B4GALT5: variants seen among roughly 807,000 people sequenced by gnomAD.
B4GALT5 encodes beta-1,4-galactosyltransferase 5.
B4GALT5 carries 11 observed loss-of-function variants against 45.0 expected under a neutral mutation model. The ratio of observed to expected loss-of-function variants is 0.24; its 90% confidence interval spans 0.15 to 0.40. B4GALT5 has a LOEUF of 0.40. B4GALT5 is among the 10% of genes least tolerant of loss of function. B4GALT5 has a pLI of 1.00. For synonymous variants in B4GALT5, 185 were observed against 182.9 expected (o/e 1.01, Z -0.09); for missense variants, 337 against 500.2 (o/e 0.67, Z 3.11).
At chr20:49,638,454 C>T (rs944880040) in intron 7 of B4GALT5, among the ~76,000 whole-genome samples, 7 of 152,206 alleles carry the variant, frequency 4.6e-5, no homozygotes, top group African/African-American at 7.2e-5. Flanking sequence ...TGTTTACTTA[C>T]TCCATAAAAA....
At chr20:49,646,373 C>A (rs2085599224) in intron 3 of B4GALT5, among the ~76,000 whole-genome samples, 2 of 152,152 alleles carry the variant, frequency 1.3e-5, no homozygotes, top group Admixed American at 1.3e-4. Flanking sequence ...TCCATTCCTG[C>A]AGGCTCCGTT....
chr20:49,640,814 T>C, intron 5 of B4GALT5, 149 bp from the exon 6 acceptor site: 1 of 814,358 alleles, frequency 1.2e-6, no homozygotes, highest in Non-Finnish European at 1.8e-6. Flanking sequence ...CAACTCACAG[T>C]GTGGCTCAGA....
At chr20:49,637,316 A>G in intron 8 of B4GALT5, 25 bp downstream of exon 8, 1 of 1,581,278 alleles carries the variant, frequency 6.3e-7, no homozygotes, top group Middle Eastern at 1.7e-4. Flanking sequence ...GATACTTCTA[A>G]GAGACAGAGA....
At chr20:49,695,975 C>T (rs1306026776) in intron 1 of B4GALT5, among the ~76,000 whole-genome samples, 2 of 152,192 alleles carry the variant, frequency 1.3e-5, no homozygotes, top group Non-Finnish European at 2.9e-5. Flanking sequence ...AAGCCTGGCT[C>T]AGCCTAGAGA....
intron 1 of B4GALT5, among the ~76,000 whole-genome samples, chr20:49,701,332 C>T (rs977852601): frequency 6.6e-6 from 1 of 152,088 alleles, no homozygotes; most frequent in African/African-American, 2.4e-5. Context: ...TGCAGTTCAG[C>T]TGATATCAGA....
intron 1 of B4GALT5, among the ~76,000 whole-genome samples, chr20:49,666,034 C>T (rs1030879875): frequency 6.6e-6 from 1 of 152,104 alleles, no homozygotes; most frequent in Non-Finnish European, 1.5e-5. Flanking sequence ...ATTGCAGAAA[C>T]GGTCCAGGAT....
chr20:49,663,690 A>AAAAAAATATATAT (rs1555812124), intron 1 of B4GALT5, among the ~76,000 whole-genome samples: 1 of 96,960 alleles, frequency 1.0e-5, no homozygotes, highest in African/African-American at 4.5e-5. Flanking sequence ...AAAAAAAAAA[A>AAAAAAATATATAT]ATATATACAT....
intron 1 of B4GALT5, among the ~76,000 whole-genome samples, chr20:49,669,248 C>G (rs949614753): frequency 2.6e-5 from 4 of 152,164 alleles, no homozygotes; most frequent in African/African-American, 9.7e-5. Flanking sequence ...TCTTTGGGCT[C>G]TTTCTCAACT....
chr20:49,643,568 G>C lies in B4GALT5; in HGVS notation c.447C>G (p.Leu149=), dbSNP rs146048963. The C allele has an allele frequency of 1.2e-4, 194 of 1,613,882 alleles. No homozygotes were observed. In the African/African-American group the frequency reaches 2.3e-3, roughly 19 times the overall value. ...ELFSKDPTIK[L]GGHWKPSDCM... ...AATCAGAAGGCTTCCAGTGACCTCC[G>C]AGCTTGATGGTTGGGTCTTTGGAGA... is the stretch of plus-strand genomic sequence containing the variant. Residue 149 remains leucine (L), a synonymous_variant, in exon 4 of 9, where the codon CTC becomes CTG. Transcript: ENST00000371711.
intron 6 of B4GALT5, among the ~76,000 whole-genome samples, 178 bp downstream of exon 6, chr20:49,640,300 A>T (rs1376574276): frequency 1.3e-5 from 2 of 152,226 alleles, no homozygotes; most frequent in Non-Finnish European, 2.9e-5. Flanking sequence ...TTTGGCACGT[A>T]TCAGTATTTC....
intron 3 of B4GALT5, among the ~76,000 whole-genome samples, chr20:49,646,206 A>T (rs1244733278): frequency 6.6e-6 from 1 of 152,180 alleles, no homozygotes; most frequent in Non-Finnish European, 1.5e-5. Context: ...AGTAAGGTTC[A>T]TCTACCATTA....
At chr20:49,676,304 A>C (rs2085737116) in intron 1 of B4GALT5, among the ~76,000 whole-genome samples, 1 of 152,162 alleles carries the variant, frequency 6.6e-6, no homozygotes, top group Non-Finnish European at 1.5e-5. Context: ...CAACCTTCTA[A>C]ATTCCCCCTA....
intron 5 of B4GALT5, among the ~76,000 whole-genome samples, chr20:49,641,747 G>A (rs1315672933): frequency 6.6e-6 from 1 of 152,162 alleles, no homozygotes; most frequent in Non-Finnish European, 1.5e-5. Context: ...GACGATCAGT[G>A]TATTCAGGGA....
At chr20:49,703,456 T>C (rs1212118161) in intron 1 of B4GALT5, among the ~76,000 whole-genome samples, 1 of 152,148 alleles carries the variant, frequency 6.6e-6, no homozygotes, top group Non-Finnish European at 1.5e-5. Context: ...TTTAAGTACA[T>C]ACAACGTGCT....
At chr20:49,703,118 G>T (rs2085869489) in intron 1 of B4GALT5, among the ~76,000 whole-genome samples, 1 of 140,374 alleles carries the variant, frequency 7.1e-6, no homozygotes, top group African/African-American at 2.7e-5. Context: ...AGCTTGCAGT[G>T]AGACCAGATG....
chr20:49,710,418 TTGTG>T (rs893816324), intron 1 of B4GALT5, among the ~76,000 whole-genome samples: 7 of 148,566 alleles, frequency 4.7e-5, no homozygotes, highest in East Asian at 2.0e-4. Context: ...TTTTTTTTTT[TTGTG>T]TGTGTGTGTG....
At chr20:49,692,766 T>A (rs961755417) in intron 1 of B4GALT5, among the ~76,000 whole-genome samples, 2 of 152,236 alleles carry the variant, frequency 1.3e-5, no homozygotes, top group Non-Finnish European at 2.9e-5. Flanking sequence ...TTAGTTAGTA[T>A]ATAAAACTGT....
Position 49,713,462 on chromosome 20 carries a change from G to A in B4GALT5, c.115+114C>T, listed in dbSNP as rs1199182195. 4 of 1,077,272 alleles carry A rather than the reference G, an allele frequency of 3.7e-6. No individual in the cohort carries two copies. The Admixed American group carries it at 7.3e-5, about 20-fold the overall frequency. The allele number at this position is 1,077,272 out of a possible 1,614,324, so 66.7% of individuals were successfully genotyped here. On this transcript the variant is annotated intron_variant, in intron 1 of 8. Coordinates refer to ENST00000371711, the MANE Select transcript of B4GALT5 (RefSeq NM_004776.4). ...CCGGGCCAGGACTCCGGAGTCTTCGGAGGACCAGGCTCAGGGCCGCCTCCC... is the reference window on the plus strand; with the variant it reads ...CCGGGCCAGGACTCCGGAGTCTTCGAAGGACCAGGCTCAGGGCCGCCTCCC...
rs2085757962 is a variant in B4GALT5, at chr20:49,680,091, T to C, written c.116-23389A>G. On this transcript the variant is annotated intron_variant, in intron 1 of 8. Coordinates refer to ENST00000371711, the MANE Select transcript of B4GALT5 (RefSeq NM_004776.4). Reference sequence around the variant, plus strand: ...ATCTATTTCAAATGAGACAAGCTTATCCTTTGATTAAAATGCCATATAATA... The same window carrying C: ...ATCTATTTCAAATGAGACAAGCTTACCCTTTGATTAAAATGCCATATAATA... Among the ~76,000 whole-genome samples the C allele has an allele frequency of 2.6e-5, 4 of 152,378 alleles. No homozygotes were observed. In the South Asian group the frequency reaches 8.3e-4, roughly 32 times the overall value.
Sources: gnomAD v4.1 joint callset for allele counts (sites outside exome capture counted in the v4.1 genomes callset) on GRCh38, gnomAD v4.1.1 for gene constraint, MANE v1.5 for transcripts, NCBI Gene and HGNC (gene_info 2026-07-23, HGNC 2026-07-21) for gene names.